The following KDM4C variants were observed in gnomAD, a reference collection of about 807,000 sequenced individuals.
KDM4C encodes lysine demethylase 4C.
Under a neutral mutation model 129.3 loss-of-function variants are expected in KDM4C, and 81 were observed. The observed-to-expected ratio is 0.63, with a 90% confidence interval of 0.52 to 0.75. KDM4C has a LOEUF of 0.75. KDM4C is among the 30% of genes least tolerant of loss of function. KDM4C has a pLI of 0.00. For missense variants in KDM4C, 1,457 were observed against 1,304.0 expected (o/e 1.12, Z -1.81); for synonymous variants, 573 against 456.1 (o/e 1.26, Z -3.26).
intron 12 of KDM4C, among the ~76,000 whole-genome samples, chr9:7,001,772 T>C (rs1162506685): frequency 1.3e-5 from 2 of 152,142 alleles, no homozygotes; most frequent in Admixed American, 6.5e-5. Flanking sequence ...TTCATGTAGA[T>C]TGCATCATGC....
intron 8 of KDM4C, among the ~76,000 whole-genome samples, chr9:6,919,577 A>ATCTATCTG (rs1554644033): frequency 1.3e-5 from 2 of 150,014 alleles, no homozygotes; most frequent in African/African-American, 4.9e-5. Context: ...CTATCTATCT[A>ATCTATCTG]TCTATCTATC....
At chr9:7,032,580 G>C (rs1028939860) in intron 15 of KDM4C, among the ~76,000 whole-genome samples, 1 of 152,146 alleles carries the variant, frequency 6.6e-6, no homozygotes, top group African/African-American at 2.4e-5. Context: ...ACTTGATACC[G>C]ATAAAGGCTA....
At chr9:6,785,275 G>A (rs1427964195) in intron 1 of KDM4C, among the ~76,000 whole-genome samples, 2 of 151,738 alleles carry the variant, frequency 1.3e-5, no homozygotes, top group Non-Finnish European at 2.9e-5. Flanking sequence ...GCAGCTGCAT[G>A]ACTCTAGTCC....
intron 19 of KDM4C, among the ~76,000 whole-genome samples, chr9:7,134,485 CTA>C (rs1208243994): frequency 6.6e-6 from 1 of 152,116 alleles, no homozygotes; most frequent in African/African-American, 2.4e-5. Flanking sequence ...GACATTTTAA[CTA>C]TGATTATAAA....
intron 1 of KDM4C, among the ~76,000 whole-genome samples, chr9:6,771,793 T>A (rs576689145): frequency 6.6e-6 from 1 of 152,166 alleles, no homozygotes; most frequent in South Asian, 2.1e-4. Flanking sequence ...TACAGTCCAG[T>A]ATTTGGTGAG....
chr9:6,980,742 A>G (rs1589435931), intron 8 of KDM4C, among the ~76,000 whole-genome samples, 183 bp from the exon 9 acceptor site: 2 of 152,212 alleles, frequency 1.3e-5, no homozygotes, highest in African/African-American at 2.4e-5. Context: ...ATGTGAATAT[A>G]TAGATTCTCA....
chr9:6,807,753 C>T (rs1423835156), intron 3 of KDM4C, among the ~76,000 whole-genome samples: 2 of 140,478 alleles, frequency 1.4e-5, no homozygotes, highest in African/African-American at 5.3e-5. Context: ...AAGTGAGGAG[C>T]GTCTCCGCCC....
intron 1 of KDM4C, among the ~76,000 whole-genome samples, chr9:6,746,476 C>T (rs1226048912): frequency 6.8e-6 from 1 of 146,170 alleles, no homozygotes; most frequent in Non-Finnish European, 1.5e-5. Context: ...ACCGTGTTAG[C>T]CAGGATGGTC....
intron 8 of KDM4C, among the ~76,000 whole-genome samples, chr9:6,913,782 C>CTA (rs1563803524): frequency 1.3e-5 from 2 of 152,324 alleles, no homozygotes; most frequent in East Asian, 3.9e-4. Context: ...CAAACAGTTA[C>CTA]TATAAAAAGT....
intron 4 of KDM4C, among the ~76,000 whole-genome samples, chr9:6,833,965 A>G (rs371592293): frequency 4.6e-5 from 7 of 151,060 alleles, no homozygotes; most frequent in African/African-American, 9.8e-5. Context: ...ATATACCACT[A>G]TCTTCTTGTC....
intron 18 of KDM4C, among the ~76,000 whole-genome samples, chr9:7,115,582 T>G (rs760577993): frequency 1.3e-5 from 2 of 152,188 alleles, no homozygotes; most frequent in African/African-American, 4.8e-5. Context: ...ATAGCCGTAA[T>G]GAAAACCTTA....
intron 19 of KDM4C, among the ~76,000 whole-genome samples, chr9:7,135,256 C>G (rs898455175): frequency 6.6e-6 from 1 of 152,106 alleles, no homozygotes; most frequent in Non-Finnish European, 1.5e-5. Flanking sequence ...CGTTTTTCTT[C>G]AAATATATAC....
At chr9:6,877,447 G>T (rs796507709) in intron 5 of KDM4C, among the ~76,000 whole-genome samples, 16 of 152,038 alleles carry the variant, frequency 1.1e-4, no homozygotes, top group African/African-American at 3.6e-4. Flanking sequence ...TGATCTGCCC[G>T]CCTCGACCTC....
chr9:7,119,940 G>C (rs1014548007), intron 18 of KDM4C, among the ~76,000 whole-genome samples: 2 of 152,136 alleles, frequency 1.3e-5, no homozygotes, highest in Non-Finnish European at 2.9e-5. Context: ...TAGTATGTGA[G>C]CTATTTGAGA....
intron 17 of KDM4C, among the ~76,000 whole-genome samples, chr9:7,082,349 C>T (rs1371543573): frequency 2.0e-5 from 3 of 152,104 alleles, no homozygotes; most frequent in East Asian, 1.9e-4. Context: ...TGGGATTCAG[C>T]GGGAGTTACA....
chr9:6,771,231 T>G (rs1027456476), intron 1 of KDM4C, among the ~76,000 whole-genome samples: 1 of 148,392 alleles, frequency 6.7e-6, no homozygotes, highest in Non-Finnish European at 1.5e-5. Context: ...GCACCTGGCC[T>G]GATTGTGAAT....
Position 6,758,100 on chromosome 9 carries a change from T to G in KDM4C, c.-121T>G. The G allele has an allele frequency of 2.4e-5, 24 of 985,524 alleles. No individual in the cohort carries two copies. Among genetic ancestry groups the G allele is most frequent in the Non-Finnish European group, 2.9e-5 (24 of 830,066 alleles). 61.0% of individuals were successfully genotyped at this position (985,524 alleles called of 1,614,324 possible). A position where few individuals can be genotyped will look rare whatever the true frequency, so the allele number is the denominator to read the frequency against. On this transcript the variant is annotated 5_prime_UTR_variant, in exon 1 of 22. Transcript: ENST00000381309. The surrounding 1 kb of genome is among the most constrained non-coding windows in gnomAD (Gnocchi z 4.6). ...TGCGCAGCGAACAGCTGTCACCTAGTGCGGAACAAGTCTCCCAAATTTCCC... is the reference window on the plus strand; with the variant it reads ...TGCGCAGCGAACAGCTGTCACCTAGGGCGGAACAAGTCTCCCAAATTTCCC...
chr9:7,011,660 T>C (rs756475539), intron 12 of KDM4C, 38 bp from the exon 13 acceptor site: 1 of 1,571,450 alleles, frequency 6.4e-7, no homozygotes, highest in South Asian at 1.1e-5. Context: ...TTTCCCTGGT[T>C]CCCATGCTCA....
chr9:7,059,410 GTAT>G (rs1274131789), intron 17 of KDM4C, among the ~76,000 whole-genome samples: 1 of 152,160 alleles, frequency 6.6e-6, no homozygotes, highest in Non-Finnish European at 1.5e-5. Context: ...GCCCTCGAGA[GTAT>G]TTTCGAAATG....
Sources: gnomAD v4.1 joint callset for allele counts (sites outside exome capture counted in the v4.1 genomes callset) on GRCh38, gnomAD v4.1.1 for gene constraint, Gnocchi (gnomAD v3.1) non-coding constraint, MANE v1.5 for transcripts, NCBI Gene and HGNC (gene_info 2026-07-23, HGNC 2026-07-21) for gene names.